CUL3: variants seen among roughly 807,000 people sequenced by gnomAD.
CUL3 encodes the protein cullin-3.
CUL3 carries 19 observed loss-of-function variants against 89.1 expected under a neutral mutation model. That is an observed-to-expected ratio of 0.21 (90% CI 0.15 to 0.31). CUL3 has a LOEUF of 0.31. Ranked by LOEUF, CUL3 falls within the 10% of genes least tolerant of loss-of-function variation. CUL3 has a pLI of 1.00. For synonymous variants in CUL3, 351 were observed against 308.4 expected (o/e 1.14, Z -1.45); for missense variants, 469 against 942.3 (o/e 0.50, Z 6.58).
chr2:224,520,397 T>A, intron 3 of CUL3, among the ~76,000 whole-genome samples: 1 of 152,252 alleles, frequency 6.6e-6, no homozygotes, highest in East Asian at 1.9e-4. Context: ...ACTTCATCCA[T>A]ACAGTAAGCT....
At chr2:224,506,202 G>T in intron 7 of CUL3, 70 bp from the exon 8 acceptor site, 1 of 1,030,592 alleles carries the variant, frequency 9.7e-7, no homozygotes, top group Non-Finnish European at 1.4e-6. Flanking sequence ...TTATGACCAT[G>T]TATGTTTATC....
intron 3 of CUL3, among the ~76,000 whole-genome samples, chr2:224,526,707 T>C (rs1221334818): frequency 6.6e-6 from 1 of 151,388 alleles, no homozygotes; most frequent in Non-Finnish European, 1.5e-5. Context: ...CTAAACTTAA[T>C]GTCATGGACT....
chr2:224,487,442 C>CA (rs1559340769), intron 13 of CUL3, among the ~76,000 whole-genome samples: 1 of 90,132 alleles, frequency 1.1e-5, no homozygotes, highest in African/African-American at 5.6e-5. Flanking sequence ...CCCGCCCCCC[C>CA]CAAAAAAAAA....
chr2:224,470,681 G>A lies in CUL3; in HGVS notation c.*3564C>T, dbSNP rs1691098501. ...CAAAGCGCCTATTTTCTTTTCAATG[G>A]ACACATTCCAGAATAGCAGCAATCA... On this transcript the variant is annotated 3_prime_UTR_variant, in exon 16 of 16. Transcript: ENST00000264414. The A allele has an allele frequency of 4.3e-6, 1 of 231,728 alleles. No individual in the cohort carries two copies. The highest frequency in any genetic ancestry group is 1.8e-4 in the South Asian group (1 of 5,512). 14.4% of individuals were successfully genotyped at this position (231,728 alleles called of 1,614,324 possible).
chr2:224,540,827 C>T (rs1011754161), intron 2 of CUL3, among the ~76,000 whole-genome samples: 1 of 152,158 alleles, frequency 6.6e-6, no homozygotes, highest in African/African-American at 2.4e-5. Flanking sequence ...CATCCTCCAA[C>T]AGGCCCTGGT....
chr2:224,563,864 T>C (rs1694975433), intron 1 of CUL3, among the ~76,000 whole-genome samples: 1 of 152,064 alleles, frequency 6.6e-6, no homozygotes. Context: ...ACCACAAAAG[T>C]AGTGATGCTG....
chr2:224,478,155 T>C lies in CUL3; in HGVS notation c.2175+45A>G, dbSNP rs370816199. 47 of 1,512,760 alleles carry C rather than the reference T, an allele frequency of 3.1e-5. No individual in the cohort carries two copies. The African/African-American group carries it at 4.5e-4, about 14-fold the overall frequency. The allele number at this position is 1,512,760 out of a possible 1,614,324, so 93.7% of individuals were successfully genotyped here. On this transcript the variant is annotated intron_variant, in intron 15 of 15. Transcript: ENST00000264414. Reference sequence around the variant, plus strand: ...TTGAATACAATAATTTTGTTAATAATGTTACTGTTTTTTCTATATTAGCCC... The same window carrying C: ...TTGAATACAATAATTTTGTTAATAACGTTACTGTTTTTTCTATATTAGCCC...
At chr2:224,509,928 A>AT (rs1354117883) in intron 6 of CUL3, among the ~76,000 whole-genome samples, 2 of 152,234 alleles carry the variant, frequency 1.3e-5, no homozygotes, top group Non-Finnish European at 2.9e-5. Context: ...CCTGCCATCT[A>AT]TTTATGTACA....
At chr2:224,578,840 T>C (rs891294276) in intron 1 of CUL3, among the ~76,000 whole-genome samples, 1 of 151,954 alleles carries the variant, frequency 6.6e-6, no homozygotes, top group Non-Finnish European at 1.5e-5. Flanking sequence ...CCCTTTAAAG[T>C]CCCCCAATGT....
intron 1 of CUL3, among the ~76,000 whole-genome samples, chr2:224,573,548 C>T (rs1695232667): frequency 1.3e-5 from 2 of 152,138 alleles, no homozygotes; most frequent in Admixed American, 1.3e-4. Flanking sequence ...AGGAAGCTTA[C>T]GAAGGCTTCT....
intron 1 of CUL3, among the ~76,000 whole-genome samples, chr2:224,575,596 C>T (rs1215198463): frequency 6.6e-6 from 1 of 152,176 alleles, no homozygotes; most frequent in African/African-American, 2.4e-5. Context: ...TAACACCTTG[C>T]ATTTATGTAT....
chr2:224,528,627 C>T (rs1693570355), intron 3 of CUL3, among the ~76,000 whole-genome samples: 1 of 152,124 alleles, frequency 6.6e-6, no homozygotes, highest in Non-Finnish European at 1.5e-5. Context: ...TTCTACCTTA[C>T]TAAGGAGACT....
intron 13 of CUL3, among the ~76,000 whole-genome samples, chr2:224,482,898 G>A (rs1449850732): frequency 2.0e-5 from 3 of 152,130 alleles, no homozygotes; most frequent in Non-Finnish European, 4.4e-5. Flanking sequence ...ACAGCTATCT[G>A]TCTCTTTCTC....
intron 4 of CUL3, among the ~76,000 whole-genome samples, chr2:224,514,164 C>T (rs1486218595): frequency 1.3e-5 from 2 of 152,162 alleles, no homozygotes; most frequent in African/African-American, 2.4e-5. Context: ...AATGACACTG[C>T]AATCATTGTT....
At chr2:224,540,237 A>G (rs1319133558) in intron 2 of CUL3, among the ~76,000 whole-genome samples, 2 of 151,884 alleles carry the variant, frequency 1.3e-5, no homozygotes, top group Non-Finnish European at 2.9e-5. Flanking sequence ...TTGTATTTTT[A>G]GTAGAGACAA....
intron 13 of CUL3, among the ~76,000 whole-genome samples, chr2:224,491,477 T>C (rs1442299697): frequency 1.3e-5 from 2 of 152,230 alleles, no homozygotes; most frequent in African/African-American, 4.8e-5. Context: ...CTGATTATCA[T>C]GTATTGCCAA....
intron 13 of CUL3, among the ~76,000 whole-genome samples, chr2:224,491,732 C>T (rs1691990288): frequency 6.6e-6 from 1 of 152,144 alleles, no homozygotes; most frequent in African/African-American, 2.4e-5. Context: ...TAAGGGCAAT[C>T]CATTCTAAGG....
At chr2:224,578,132 C>T (rs4674924) in intron 1 of CUL3, among the ~76,000 whole-genome samples, 151,473 of 152,302 alleles carry the variant, frequency 0.99, 75,327 homozygotes, top group Middle Eastern at 1. Context: ...ATTTCAGTTA[C>T]GTGCAGCCCA....
chr2:224,556,636 T>C (rs1207474712), intron 2 of CUL3, among the ~76,000 whole-genome samples: 8 of 152,076 alleles, frequency 5.3e-5, no homozygotes, highest in Admixed American at 2.6e-4. Flanking sequence ...AACAGGACAA[T>C]TGGTGAAATC....
Sources: allele counts gnomAD v4.1 joint callset (sites outside exome capture counted in the v4.1 genomes callset), GRCh38; gene constraint gnomAD v4.1.1; transcripts MANE v1.5; gene names NCBI Gene and HGNC (gene_info 2026-07-23, HGNC 2026-07-21).